Variants in LRRC4C observed in about 807,000 individuals in gnomAD.
LRRC4C encodes the protein leucine rich repeat containing 4C.
LRRC4C carries 5 observed loss-of-function variants against 33.6 expected under a neutral mutation model. The ratio of observed to expected loss-of-function variants is 0.15; its 90% CI spans 0.08 to 0.31. LRRC4C has a LOEUF of 0.31. Ranked by LOEUF, LRRC4C falls within the 10% of genes least tolerant of loss-of-function variation. The probability of loss-of-function intolerance (pLI) is 1.00; values close to 1 mark genes in which losing one functional copy is unlikely to be tolerated. For missense variants in LRRC4C, 560 were observed against 796.7 expected, an observed-to-expected ratio of 0.70 and a Z score of 3.58; for synonymous variants, 329 against 302.0, an observed-to-expected ratio of 1.09 and a Z score of -0.93.
chr11:41,318,523 C>T (rs895730425), intron 1 of LRRC4C, among the ~76,000 whole-genome samples: 3 of 152,178 alleles, frequency 2.0e-5, no homozygotes, highest in African/African-American at 7.2e-5. Context: ...ATCAGAACTT[C>T]TATTTGTGGC....
intron 2 of LRRC4C, among the ~76,000 whole-genome samples, chr11:40,726,269 T>C (rs1947288904): frequency 6.6e-6 from 1 of 150,606 alleles, no homozygotes; most frequent in Non-Finnish European, 1.5e-5. Context: ...TCCAGAAAAA[T>C]CAAGGAGGAT....
At chr11:40,678,689 G>A (rs1016301012) in intron 2 of LRRC4C, among the ~76,000 whole-genome samples, 2 of 151,998 alleles carry the variant, frequency 1.3e-5, no homozygotes, top group Non-Finnish European at 1.5e-5. Flanking sequence ...TTCTTTGCCC[G>A]CCGCCACGTA....
intron 3 of LRRC4C, among the ~76,000 whole-genome samples, chr11:40,463,721 G>A (rs1054223130): frequency 5.3e-5 from 8 of 152,024 alleles, no homozygotes; most frequent in South Asian, 2.1e-4. Flanking sequence ...ATGCATTAGA[G>A]CCACCACATT....
intron 1 of LRRC4C, among the ~76,000 whole-genome samples, chr11:41,305,522 A>C (rs1400326776): frequency 2.4e-4 from 12 of 50,286 alleles, no homozygotes; most frequent in African/African-American, 5.6e-4. Flanking sequence ...TGTAGAAAGA[A>C]GTAGACATGG....
intron 1 of LRRC4C, among the ~76,000 whole-genome samples, chr11:41,189,241 T>C (rs1945839205): frequency 6.6e-6 from 1 of 152,112 alleles, no homozygotes. Context: ...TTGAACATGG[T>C]CAGTGCTATG....
intron 1 of LRRC4C, among the ~76,000 whole-genome samples, chr11:41,414,831 A>G (rs1207077451): frequency 6.6e-6 from 1 of 152,112 alleles, no homozygotes; most frequent in Non-Finnish European, 1.5e-5. Context: ...CTCTAAAAAA[A>G]GAAAAAGAAA....
chr11:41,073,836 C>T (rs954253867), intron 1 of LRRC4C, among the ~76,000 whole-genome samples: 2 of 152,118 alleles, frequency 1.3e-5, no homozygotes, highest in Admixed American at 6.5e-5. Context: ...CTCAGTGCTA[C>T]ATAGTATCAC....
At chr11:40,737,061 A>C (rs1463096446) in intron 2 of LRRC4C, among the ~76,000 whole-genome samples, 1 of 152,028 alleles carries the variant, frequency 6.6e-6, no homozygotes, top group Non-Finnish European at 1.5e-5. Context: ...TTTAGTACTA[A>C]AGTCTTTGCC....
At chr11:40,807,020 T>C (rs1178350995) in intron 2 of LRRC4C, among the ~76,000 whole-genome samples, 1 of 152,206 alleles carries the variant, frequency 6.6e-6, no homozygotes, top group East Asian at 1.9e-4. Flanking sequence ...ATTTATATTA[T>C]ATTTTTAATG....
At chr11:40,413,980 T>C (rs747057073) in intron 3 of LRRC4C, among the ~76,000 whole-genome samples, 5 of 152,134 alleles carry the variant, frequency 3.3e-5, no homozygotes, top group Non-Finnish European at 7.3e-5. Flanking sequence ...CTAAGAATTA[T>C]GCACAATTTT....
At chr11:40,496,133 A>G (rs1954443613) in intron 3 of LRRC4C, among the ~76,000 whole-genome samples, 1 of 152,084 alleles carries the variant, frequency 6.6e-6, no homozygotes, top group African/African-American at 2.4e-5. Flanking sequence ...CCTGGCCAAA[A>G]GTGTCTTAAA....
intron 5 of LRRC4C, among the ~76,000 whole-genome samples, chr11:40,176,545 TTTTTTTTTTTAAGAGACAGG>T (rs1860507706): frequency 6.6e-6 from 1 of 151,916 alleles, no homozygotes; most frequent in Non-Finnish European, 1.5e-5. Context: ...CACTCTTTTT[TTTTTTTTTTTAAGAGACAGG>T]GTCTCACTCT....
intron 2 of LRRC4C, among the ~76,000 whole-genome samples, chr11:40,929,826 T>C (rs1431065265): frequency 6.6e-6 from 1 of 152,144 alleles, no homozygotes; most frequent in Non-Finnish European, 1.5e-5. Flanking sequence ...TAATGCAATA[T>C]TTTTTCTTAT....
At chr11:40,116,983 G>A (rs1855484657) in intron 6 of LRRC4C, among the ~76,000 whole-genome samples, 1 of 152,226 alleles carries the variant, frequency 6.6e-6, no homozygotes, top group African/African-American at 2.4e-5. Flanking sequence ...GTAGGCCTAT[G>A]AAGCTGGTTG....
intron 2 of LRRC4C, among the ~76,000 whole-genome samples, chr11:40,865,722 C>T (rs1954330696): frequency 6.6e-6 from 1 of 151,300 alleles, no homozygotes; most frequent in African/African-American, 2.4e-5. Context: ...TGAAGAATAC[C>T]AAGAAGATAA....
chr11:40,287,478 T>C (rs1053012883), intron 4 of LRRC4C, among the ~76,000 whole-genome samples: 6 of 152,146 alleles, frequency 3.9e-5, no homozygotes, highest in African/African-American at 1.2e-4. Flanking sequence ...ATTGCATGCA[T>C]ACTACTTGCC....
chr11:40,510,340 A>C (rs1955251421), intron 3 of LRRC4C, among the ~76,000 whole-genome samples: 1 of 151,796 alleles, frequency 6.6e-6, no homozygotes, highest in Admixed American at 6.6e-5. Flanking sequence ...GAGATGGCTA[A>C]AATAACTGGT....
intron 5 of LRRC4C, among the ~76,000 whole-genome samples, chr11:40,179,852 G>T (rs566695490): frequency 6.6e-6 from 1 of 152,302 alleles, no homozygotes; most frequent in Non-Finnish European, 1.5e-5. Context: ...CTTTTTAGTC[G>T]CATCTGGTTA....
At chr11:40,187,479 G>A (rs1050276417) in intron 5 of LRRC4C, among the ~76,000 whole-genome samples, 9 of 151,868 alleles carry the variant, frequency 5.9e-5, no homozygotes, top group African/African-American at 1.2e-4. Flanking sequence ...AAATGGGAAC[G>A]CTGTCTACCT....
Sources: gnomAD v4.1 joint callset for allele counts (sites outside exome capture counted in the v4.1 genomes callset) on GRCh38, gnomAD v4.1.1 for gene constraint, MANE v1.5 for transcripts, NCBI Gene and HGNC (gene_info 2026-07-23, HGNC 2026-07-21) for gene names.